The following LONRF1 variants were observed in gnomAD, a reference collection of about 807,000 sequenced individuals.
LONRF1 encodes LON peptidase N-terminal domain and ring finger 1.
In LONRF1, 37 loss-of-function variants were observed where a neutral mutation model predicts 85.8. The observed-to-expected ratio is 0.43, with a 90% CI of 0.33 to 0.57. The LOEUF is 0.57. Ranked by LOEUF, LONRF1 falls within the 20% of genes least tolerant of loss-of-function variation. The pLI is 0.04. For missense variants in LONRF1, 1,036 were observed against 978.0 expected, an observed-to-expected ratio of 1.06 and a Z score of -0.79; for synonymous variants, 517 against 390.1, an observed-to-expected ratio of 1.33 and a Z score of -3.83.
intron 1 of LONRF1, among the ~76,000 whole-genome samples, chr8:12,747,017 TG>T (rs1341381776): frequency 3.3e-5 from 5 of 152,252 alleles, no homozygotes; most frequent in African/African-American, 1.2e-4. Flanking sequence ...AATTCAAAGA[TG>T]TTTGAACTCC....
chr8:12,732,243 A>T (rs1798555013), intron 7 of LONRF1, among the ~76,000 whole-genome samples: 1 of 152,216 alleles, frequency 6.6e-6, no homozygotes, highest in Non-Finnish European at 1.5e-5. Flanking sequence ...GGAATAAATA[A>T]AATAACACAT....
At chr8:12,725,213 T>G (rs571028543) in intron 11 of LONRF1, among the ~76,000 whole-genome samples, 11 of 152,184 alleles carry the variant, frequency 7.2e-5, no homozygotes, top group African/African-American at 2.4e-4. Flanking sequence ...AAAAGAATAA[T>G]AGTTTCATGA....
At position 12,725,845 on chromosome 8, in the gene LONRF1, T is replaced by C. The variant is rs1406333452; in HGVS notation, c.2045A>G (p.Glu682Gly). The C allele has an allele frequency of 6.8e-6, 11 of 1,612,648 alleles. No homozygotes were observed. In the African/African-American group the frequency reaches 8.0e-5, roughly 12 times the overall value. ...ENEDEIKNLR[E>G]LHDLVYSQAC... Reference sequence around the variant, plus strand: ...TTGAGAGTAAACCAAATCATGAAGCTCTCTGAGATTCTTAATCTCATCTTC... The same window carrying C: ...TTGAGAGTAAACCAAATCATGAAGCCCTCTGAGATTCTTAATCTCATCTTC... The change falls in exon 11 of 12, where the codon GAG becomes GGG. Residue 682 changes from glutamate (E) to glycine (G), a missense_variant. Around this residue, in one of 3 missense-constraint regions of LONRF1, gnomAD observed 265 missense variants for 301.5 expected, o/e 0.88. Coordinates refer to ENST00000398246, the MANE Select transcript of LONRF1 (RefSeq NM_152271.5).
At chr8:12,727,972 G>A (rs111391326) in intron 10 of LONRF1, among the ~76,000 whole-genome samples, 2,617 of 152,234 alleles carry the variant, frequency 0.017, 86 homozygotes, top group African/African-American at 0.06. Flanking sequence ...AGGCTCTCAG[G>A]CAAATTAATT....
At chr8:12,723,281 T>C in intron 11 of LONRF1, 27 bp from the exon 12 acceptor site, 1 of 1,571,878 alleles carries the variant, frequency 6.4e-7, no homozygotes, top group Non-Finnish European at 8.6e-7. Context: ...GTTTATAGCA[T>C]TAATAAAACA....
intron 2 of LONRF1, among the ~76,000 whole-genome samples, chr8:12,741,942 A>T (rs1450554958): frequency 6.6e-6 from 1 of 152,204 alleles, no homozygotes; most frequent in South Asian, 2.1e-4. Flanking sequence ...CAAAGTATCA[A>T]CTGGTAAGCT....
intron 11 of LONRF1, among the ~76,000 whole-genome samples, chr8:12,724,990 C>T (rs1169919142): frequency 6.6e-6 from 1 of 152,180 alleles, no homozygotes; most frequent in African/African-American, 2.4e-5. Flanking sequence ...ACAGCCATTC[C>T]TTTGTAAAAT....
At chr8:12,744,422 A>C (rs985271050) in intron 1 of LONRF1, among the ~76,000 whole-genome samples, 2 of 152,184 alleles carry the variant, frequency 1.3e-5, no homozygotes, top group African/African-American at 4.8e-5. Flanking sequence ...CATGTCTAGA[A>C]TATTGTGTCT....
rs573675518 is a variant in LONRF1, at chr8:12,743,109, T to C, written c.840+55A>G. 9.2e-6 allele frequency: 10 copies of C among 1,086,686 alleles called. No individual in the cohort carries two copies. The East Asian group carries it at 1.2e-4, about 13-fold the overall frequency. 67.3% of individuals were successfully genotyped at this position (1,086,686 alleles called of 1,614,324 possible). A position where few individuals can be genotyped will look rare whatever the true frequency, so the allele number is the denominator to read the frequency against. The stretch of plus-strand genomic sequence containing the variant: ...AAATTCCTAACTGTGAATGAATGCA[T>C]GTCCCTTATAGTTAAAATTTTACAA... On this transcript the variant is annotated intron_variant, in intron 2 of 11. Coordinates refer to ENST00000398246, the MANE Select transcript of LONRF1 (RefSeq NM_152271.5).
intron 11 of LONRF1, among the ~76,000 whole-genome samples, chr8:12,723,480 T>A (rs1465699019): frequency 1.3e-5 from 2 of 152,220 alleles, no homozygotes; most frequent in Non-Finnish European, 2.9e-5. Context: ...GAGCCGAGAT[T>A]CAAATCTAGA....
At position 12,722,937 on chromosome 8, in the gene LONRF1, G is replaced by T; in HGVS notation, c.*159C>A. ...CTTAGTGGTCTAAATCCTAGTTGAA[G>T]GTATTCATTTGCAGAACCACATGAT... On this transcript the variant is annotated 3_prime_UTR_variant, in exon 12 of 12. Coordinates refer to ENST00000398246, the MANE Select transcript of LONRF1 (RefSeq NM_152271.5). The T allele has an allele frequency of 1.6e-6, 1 of 628,670 alleles. No homozygotes were observed. The highest frequency in any genetic ancestry group is 2.7e-6 in the Non-Finnish European group (1 of 371,686). 38.9% of individuals were successfully genotyped at this position (628,670 alleles called of 1,614,324 possible). A position where few individuals can be genotyped will look rare whatever the true frequency, so the allele number is the denominator to read the frequency against.
intron 10 of LONRF1, among the ~76,000 whole-genome samples, chr8:12,726,149 G>A (rs989129438): frequency 1.8e-4 from 28 of 152,324 alleles, no homozygotes; most frequent in African/African-American, 6.7e-4. Flanking sequence ...CAGCCCTCAA[G>A]TGGGAAGAGT....
intron 7 of LONRF1, among the ~76,000 whole-genome samples, chr8:12,733,840 T>C (rs1798619916): frequency 6.6e-6 from 1 of 152,176 alleles, no homozygotes; most frequent in South Asian, 2.1e-4. Context: ...ATACCAATCT[T>C]TTTTAAAGTA....
At position 12,736,895 on chromosome 8, in the gene LONRF1, T is replaced by C. The variant is rs775018126; in HGVS notation, c.1354+5A>G. 1.9e-6 allele frequency: 3 copies of C among 1,601,744 alleles called. No individual in the cohort carries two copies. The Admixed American group carries it at 5.2e-5, about 28-fold the overall frequency. ...TTTTATATAAGTGTAGAGCAAAATT[T>C]TTACCTCCTTGTTTTTTCAGCTTAT... On this transcript the variant is annotated splice_donor_5th_base_variant and intron_variant, in intron 5 of 11. Coordinates refer to ENST00000398246, the MANE Select transcript of LONRF1 (RefSeq NM_152271.5).
chr8:12,741,003 T>A lies in LONRF1; in HGVS notation c.841-7A>T. On this transcript the variant is annotated splice_region_variant and splice_polypyrimidine_tract_variant and intron_variant, in intron 2 of 11. Transcript: ENST00000398246. Reference sequence around the variant, plus strand: ...TTCCTTTCCTGAAGTAGACCTTTAATAAAAGCAGATATATAAAACCTTTGT... The same window carrying A: ...TTCCTTTCCTGAAGTAGACCTTTAAAAAAAGCAGATATATAAAACCTTTGT... 6.2e-7 allele frequency: 1 copy of A among 1,610,652 alleles called. No homozygotes were observed. Among genetic ancestry groups the A allele is most frequent in the South Asian group, 1.1e-5 (1 of 90,880 alleles).
At chr8:12,727,866 A>C (rs1174972232) in intron 10 of LONRF1, among the ~76,000 whole-genome samples, 1 of 152,188 alleles carries the variant, frequency 6.6e-6, no homozygotes, top group Non-Finnish European at 1.5e-5. Flanking sequence ...ACGTCAGACT[A>C]ATCAGGTTTA....
In LONRF1 at chr8:12,723,144, G is replaced by T; in HGVS notation, c.2274C>A (p.Thr758=). Residue 758 remains threonine (T), a synonymous_variant, in exon 12 of 12, where the codon ACC becomes ACA. Transcript: ENST00000398246. ...LSMKSLKERL[T]KIQHILTYFS... ...AATAGGTCAGTATATGCTGTATCTTGGTCAACCGTTCTTTCAAAGACTTCA... is the reference window on the plus strand; with the variant it reads ...AATAGGTCAGTATATGCTGTATCTTTGTCAACCGTTCTTTCAAAGACTTCA... The T allele has an allele frequency of 6.2e-7, 1 of 1,614,064 alleles. No individual in the cohort carries two copies. The highest frequency in any genetic ancestry group is 8.5e-7 in the Non-Finnish European group (1 of 1,179,972).
chr8:12,747,506 T>C (rs890079161), intron 1 of LONRF1, among the ~76,000 whole-genome samples: 3 of 152,152 alleles, frequency 2.0e-5, no homozygotes, highest in African/African-American at 7.2e-5. Context: ...AAAGAAAAAA[T>C]TAGCACAAAT....
intron 8 of LONRF1, 90 bp from the exon 9 acceptor site, chr8:12,729,422 T>G: frequency 7.8e-7 from 1 of 1,284,396 alleles, no homozygotes; most frequent in Non-Finnish European, 1.1e-6. Flanking sequence ...ATAACAGTAA[T>G]GAACTAATGT....
Sources: allele counts gnomAD v4.1 joint callset (sites outside exome capture counted in the v4.1 genomes callset), GRCh38; gene constraint gnomAD v4.1.1; regional missense constraint gnomAD v4.1.1; transcripts MANE v1.5; gene names NCBI Gene and HGNC (gene_info 2026-07-23, HGNC 2026-07-21).